Variants in DPP10 observed in about 807,000 individuals in gnomAD.
DPP10 encodes the protein inactive dipeptidyl peptidase 10.
DPP10 carries 33 observed loss-of-function variants against 120.9 expected under a neutral mutation model. The observed-to-expected ratio is 0.27, with a 90% CI of 0.21 to 0.37. The LOEUF is 0.37. Among genes scored for constraint, DPP10 ranks in the 10% least tolerant of loss-of-function variants. The pLI is 1.00. For synonymous variants in DPP10, 337 were observed against 326.1 expected (o/e 1.03, Z -0.36); for missense variants, 816 against 942.8 (o/e 0.87, Z 1.76).
intron 5 of DPP10, among the ~76,000 whole-genome samples, chr2:115,536,419 G>T (rs2078844969): frequency 6.6e-6 from 1 of 151,760 alleles, no homozygotes; most frequent in South Asian, 2.1e-4. Flanking sequence ...TTTATAGATA[G>T]TTGACAGATT....
At chr2:115,279,649 C>CTTTTTTTTT (rs2060068274) in intron 1 of DPP10, among the ~76,000 whole-genome samples, 1 of 50,026 alleles carries the variant, frequency 2.0e-5, no homozygotes, top group African/African-American at 7.2e-5. Context: ...TTCTTTTTTT[C>CTTTTTTTTT]TTCTTCTTTT....
At chr2:115,204,048 G>C (rs1488132977) in intron 1 of DPP10, among the ~76,000 whole-genome samples, 1 of 152,080 alleles carries the variant, frequency 6.6e-6, no homozygotes, top group African/African-American at 2.4e-5. Flanking sequence ...TCCCCCTCAC[G>C]TTCTATGAAT....
chr2:114,544,614 TG>T (rs2104825956), intron 1 of DPP10, among the ~76,000 whole-genome samples: 1 of 152,156 alleles, frequency 6.6e-6, no homozygotes, highest in South Asian at 2.1e-4. Context: ...TAAGAGTCAT[TG>T]GGGGGACTCA....
chr2:115,776,864 T>C (rs1357142133), intron 13 of DPP10, among the ~76,000 whole-genome samples: 1 of 5,318 alleles, frequency 1.9e-4, no homozygotes, highest in African/African-American at 2.4e-4. Flanking sequence ...TCTAAAATGT[T>C]TTTTTTTTTT....
chr2:114,862,312 C>A (rs1037323882), intron 1 of DPP10, among the ~76,000 whole-genome samples: 2 of 152,072 alleles, frequency 1.3e-5, no homozygotes, highest in African/African-American at 4.8e-5. Flanking sequence ...ACTCCCTACT[C>A]ATATAAGATA....
chr2:115,753,968 G>C (rs1040530478), intron 11 of DPP10, among the ~76,000 whole-genome samples: 1 of 152,144 alleles, frequency 6.6e-6, no homozygotes, highest in Non-Finnish European at 1.5e-5. Context: ...GATGGAGTAC[G>C]TGTTACCTGA....
intron 2 of DPP10, among the ~76,000 whole-genome samples, chr2:115,336,487 G>T (rs2063137363): frequency 6.6e-6 from 1 of 151,594 alleles, no homozygotes. Context: ...ATCTGATAGG[G>T]TTAACAAATA....
chr2:115,281,399 C>A (rs866037307), intron 1 of DPP10, among the ~76,000 whole-genome samples: 2 of 152,128 alleles, frequency 1.3e-5, no homozygotes, highest in Non-Finnish European at 2.9e-5. Context: ...TCAGACACCA[C>A]AGACATGAAA....
chr2:115,090,887 G>A (rs1172622363), intron 1 of DPP10, among the ~76,000 whole-genome samples: 1 of 152,124 alleles, frequency 6.6e-6, no homozygotes. Flanking sequence ...GGTCAGGAAG[G>A]GGTTTGGAAT....
chr2:115,383,770 A>G (rs2066626144), intron 3 of DPP10, among the ~76,000 whole-genome samples: 1 of 152,150 alleles, frequency 6.6e-6, no homozygotes, highest in Non-Finnish European at 1.5e-5. Flanking sequence ...CTCTTATATA[A>G]TAATGATTTT....
chr2:115,113,315 T>A (rs1389501337), intron 1 of DPP10, among the ~76,000 whole-genome samples: 1 of 152,116 alleles, frequency 6.6e-6, no homozygotes, highest in African/African-American at 2.4e-5. Context: ...TGTGTCTATA[T>A]GTGCTTTTTA....
chr2:115,610,077 C>G, intron 5 of DPP10, among the ~76,000 whole-genome samples: 1 of 152,178 alleles, frequency 6.6e-6, no homozygotes. Context: ...AGTGTGTGAA[C>G]TGAGTCTCTC....
intron 3 of DPP10, among the ~76,000 whole-genome samples, chr2:115,399,275 G>A (rs1181032886): frequency 2.0e-5 from 3 of 152,114 alleles, no homozygotes; most frequent in Non-Finnish European, 2.9e-5. Flanking sequence ...CAAAAGAGAA[G>A]TATTGGGTGG....
At chr2:115,028,588 C>A (rs1703631323) in intron 1 of DPP10, among the ~76,000 whole-genome samples, 1 of 151,940 alleles carries the variant, frequency 6.6e-6, no homozygotes, top group African/African-American at 2.4e-5. Context: ...TGTTATGGGT[C>A]TAGTGTGTAG....
chr2:114,830,620 A>C (rs1005689763), intron 1 of DPP10, among the ~76,000 whole-genome samples: 2 of 152,228 alleles, frequency 1.3e-5, no homozygotes, highest in Non-Finnish European at 2.9e-5. Context: ...CTGTTGAATG[A>C]AATTTTCAAA....
rs1459359622 is a variant in DPP10 at position 115,470,026 on chromosome 2, A to G, written c.272-29484A>G. Among the ~76,000 whole-genome samples, 8 of 152,346 alleles carry G rather than the reference A, an allele frequency of 5.3e-5. No homozygotes were observed. The South Asian group carries it at 8.3e-4, about 16-fold the overall frequency. On this transcript the variant is annotated intron_variant, in intron 3 of 25. Coordinates refer to ENST00000410059, the MANE Select transcript of DPP10 (RefSeq NM_020868.6). ...CGTGGAAAATCTTGTTTTAAGATGA[A>G]GAATCCTTGCTAAATAGAATCTCTG...
chr2:114,453,505 G>A (rs1181420904), intron 1 of DPP10, among the ~76,000 whole-genome samples: 1 of 152,080 alleles, frequency 6.6e-6, no homozygotes, highest in Non-Finnish European at 1.5e-5. Context: ...AGGGTTCTCA[G>A]GGTCTATCAC....
intron 1 of DPP10, among the ~76,000 whole-genome samples, chr2:114,838,064 G>A (rs1328831322): frequency 6.6e-6 from 1 of 152,172 alleles, no homozygotes; most frequent in Non-Finnish European, 1.5e-5. Flanking sequence ...GCCATCTGAA[G>A]AATGTGACCT....
chr2:115,749,991 C>T (rs762054639), intron 10 of DPP10: 3 of 985,336 alleles, frequency 3.0e-6, no homozygotes, highest in Non-Finnish European at 3.6e-6. Context: ...GTCTCTGTGG[C>T]TCAAGAGGAC....
Sources: gnomAD v4.1 joint callset for allele counts (sites outside exome capture counted in the v4.1 genomes callset) on GRCh38, gnomAD v4.1.1 for gene constraint, MANE v1.5 for transcripts, NCBI Gene and HGNC (gene_info 2026-07-23, HGNC 2026-07-21) for gene names.